The following KSR2 variants were observed in gnomAD, a reference collection of about 807,000 sequenced individuals.
KSR2 encodes kinase suppressor of ras 2.
Under a neutral mutation model 107.8 loss-of-function variants are expected in KSR2, and 25 were observed. That is an observed-to-expected ratio of 0.23 (90% CI 0.17 to 0.32). The LOEUF is 0.32. KSR2 is among the 10% of genes least tolerant of loss of function. KSR2 has a pLI of 1.00. For missense variants in KSR2, 887 were observed against 1,268.9 expected, an observed-to-expected ratio of 0.70 and a Z score of 4.57; for synonymous variants, 480 against 507.0, an observed-to-expected ratio of 0.95 and a Z score of 0.71.
intron 2 of KSR2, 30 bp downstream of exon 2, chr12:117,860,261 G>C: frequency 6.3e-7 from 1 of 1,597,330 alleles, no homozygotes; most frequent in African/African-American, 1.3e-5. Flanking sequence ...GCCAGTAAGG[G>C]GCAGGGGACA....
At chr12:117,901,027 T>G (rs1894665369) in intron 1 of KSR2, among the ~76,000 whole-genome samples, 1 of 152,118 alleles carries the variant, frequency 6.6e-6, no homozygotes, top group Non-Finnish European at 1.5e-5. Flanking sequence ...CATCAAGGAC[T>G]CTTCCAAAAA....
intron 1 of KSR2, among the ~76,000 whole-genome samples, chr12:117,937,005 A>G (rs1372524010): frequency 6.6e-6 from 1 of 152,202 alleles, no homozygotes; most frequent in African/African-American, 2.4e-5. Flanking sequence ...TCAAGGTGGT[A>G]TCTGGGCTCA....
intron 5 of KSR2, among the ~76,000 whole-genome samples, chr12:117,649,040 A>G (rs559510280): frequency 1.3e-5 from 2 of 152,370 alleles, no homozygotes; most frequent in South Asian, 2.1e-4. Flanking sequence ...CTGGTTTCCA[A>G]ATGGTGATCA....
At position 117,525,305 on chromosome 12, in the gene KSR2, C is replaced by G; in HGVS notation, c.1852-86G>C. On this transcript the variant is annotated intron_variant, in intron 13 of 19. Coordinates refer to ENST00000339824, the MANE Select transcript of KSR2 (RefSeq NM_173598.6). ...GGTCCTGCTGGGTCCCGTGCACATG[C>G]GTAGGTCTGGGCACATCTCTACATG... 2.8e-6 allele frequency: 4 copies of G among 1,427,266 alleles called. No individual in the cohort carries two copies. The South Asian group carries it at 5.8e-5, about 21-fold the overall frequency. The allele number at this position is 1,427,266 out of a possible 1,614,324, so 88.4% of individuals were successfully genotyped here.
chr12:117,916,132 C>CT (rs199898514), intron 1 of KSR2, among the ~76,000 whole-genome samples: 9,792 of 124,258 alleles, frequency 0.079, 698 homozygotes, highest in South Asian at 0.14. Flanking sequence ...TTTATTTCTT[C>CT]TTCTTTTTTT....
chr12:117,601,297 G>GGGC (rs1555220698), intron 5 of KSR2, among the ~76,000 whole-genome samples: 3 of 30,690 alleles, frequency 9.8e-5, no homozygotes, highest in Admixed American at 4.0e-4. Flanking sequence ...CAAGATCTTG[G>GGGC]GGGGGGGGGT....
At chr12:117,922,646 G>C (rs1895377048) in intron 1 of KSR2, among the ~76,000 whole-genome samples, 1 of 152,122 alleles carries the variant, frequency 6.6e-6, no homozygotes, top group Non-Finnish European at 1.5e-5. Context: ...TTCAAAAGAA[G>C]GGAAACACAC....
At position 117,596,932 on chromosome 12, in the gene KSR2, C is replaced by T. The variant is rs112462991; in HGVS notation, c.1172-14573G>A. Among the ~76,000 whole-genome samples the T allele has an allele frequency of 1.7e-3, 260 of 152,310 alleles. 1 individual carries two copies. Among genetic ancestry groups the T allele is most frequent in the Middle Eastern group, 3.4e-3 (1 of 294 alleles). On this transcript the variant is annotated intron_variant, in intron 5 of 19. Coordinates refer to ENST00000339824, the MANE Select transcript of KSR2 (RefSeq NM_173598.6). The stretch of plus-strand genomic sequence containing the variant: ...TGGTTCGCAGATAAACACTTCATAT[C>T]TTCCCTTCAAGTTACTGAATCTTTC...
At chr12:117,860,945 G>A (rs193289265) in intron 1 of KSR2, among the ~76,000 whole-genome samples, 1 of 151,964 alleles carries the variant, frequency 6.6e-6, no homozygotes, top group Non-Finnish European at 1.5e-5. Flanking sequence ...TCTCAAACCC[G>A]TGACCCCATG....
At chr12:117,582,997 G>A (rs1308522256) in intron 5 of KSR2, among the ~76,000 whole-genome samples, 2 of 152,102 alleles carry the variant, frequency 1.3e-5, no homozygotes, top group African/African-American at 2.4e-5. Context: ...ATTTTAAAAA[G>A]CAAACCCTAT....
At chr12:117,767,593 A>T (rs965519041) in intron 3 of KSR2, among the ~76,000 whole-genome samples, 3 of 151,514 alleles carry the variant, frequency 2.0e-5, no homozygotes, top group African/African-American at 2.4e-5. Context: ...TCAGGCCAGA[A>T]GTTCAACATG....
intron 3 of KSR2, among the ~76,000 whole-genome samples, chr12:117,784,939 G>A (rs758050641): frequency 1.2e-4 from 18 of 152,128 alleles, no homozygotes; most frequent in East Asian, 1.9e-4. Context: ...AGACAGCACC[G>A]ACAGTCTGAC....
chr12:117,468,373 A>G (rs532789575), intron 19 of KSR2, among the ~76,000 whole-genome samples: 1 of 152,362 alleles, frequency 6.6e-6, no homozygotes, highest in East Asian at 1.9e-4. Context: ...CAGGCCACAC[A>G]GCTATTACGT....
In KSR2 at chr12:117,910,702, T is replaced by C. The variant is rs143945254; in HGVS notation, c.181-50271A>G. Among the ~76,000 whole-genome samples, 34 of 152,342 alleles carry C rather than the reference T, an allele frequency of 2.2e-4. 1 individual carries two copies. The highest frequency in any genetic ancestry group is 3.4e-3 in the Middle Eastern group (1 of 294). On this transcript the variant is annotated intron_variant, in intron 1 of 19. Coordinates refer to ENST00000339824, the MANE Select transcript of KSR2 (RefSeq NM_173598.6). The stretch of plus-strand genomic sequence containing the variant: ...ACCCTCTTGTTATGGTGCAGTATTA[T>C]ATAGCGTCATGGGATCCCCAGAGAG...
intron 5 of KSR2, among the ~76,000 whole-genome samples, chr12:117,593,030 G>A (rs1880416796): frequency 6.6e-6 from 1 of 152,172 alleles, no homozygotes; most frequent in African/African-American, 2.4e-5. Flanking sequence ...CTATGATCTG[G>A]AAAGAGGAGG....
chr12:117,555,052 G>A lies in KSR2; in HGVS notation c.1518+117C>T, dbSNP rs183444128. 563 of 1,219,822 alleles carry A rather than the reference G, an allele frequency of 4.6e-4. 1 individual carries two copies. The highest frequency in any genetic ancestry group is 6.2e-4 in the Non-Finnish European group (532 of 858,680). 75.6% of individuals were successfully genotyped at this position (1,219,822 alleles called of 1,614,324 possible). On this transcript the variant is annotated intron_variant, in intron 9 of 19. Coordinates refer to ENST00000339824, the MANE Select transcript of KSR2 (RefSeq NM_173598.6). ...CAACACAAACATCACAGAATTAGGG[G>A]AGCCGAGACGGGCTAGGAGGGAGCG...
At chr12:117,793,717 ACT>A (rs1463893969) in intron 3 of KSR2, among the ~76,000 whole-genome samples, 62 of 146,308 alleles carry the variant, frequency 4.2e-4, no homozygotes, top group South Asian at 6.7e-4. Flanking sequence ...CACCATGCAC[ACT>A]CACACCAGCA....
intron 4 of KSR2, chr12:117,677,228 C>T (rs1885170790): frequency 2.0e-5 from 3 of 152,166 alleles, no homozygotes; most frequent in Admixed American, 6.5e-5. Flanking sequence ...TTTTGTCCCC[C>T]TCAAGTTCCT....
chr12:117,553,987 C>A (rs1371818414), intron 9 of KSR2, among the ~76,000 whole-genome samples: 1 of 152,122 alleles, frequency 6.6e-6, no homozygotes, highest in Admixed American at 6.5e-5. Flanking sequence ...GCTTCTTGTA[C>A]GGCCTGCAGA....
Sources: gnomAD v4.1 joint callset for allele counts (sites outside exome capture counted in the v4.1 genomes callset) on GRCh38, gnomAD v4.1.1 for gene constraint, MANE v1.5 for transcripts, NCBI Gene and HGNC (gene_info 2026-07-23, HGNC 2026-07-21) for gene names.